EPHA3: variants seen among roughly 807,000 people sequenced by gnomAD.
The protein encoded by EPHA3 is ephrin type-A receptor 3.
Under a neutral mutation model 107.1 loss-of-function variants are expected in EPHA3, and 42 were observed. The observed-to-expected ratio is 0.39, with a 90% CI of 0.31 to 0.51. The LOEUF is 0.51. Ranked by LOEUF, EPHA3 falls within the 20% of genes least tolerant of loss-of-function variation. EPHA3 has a pLI of 0.78. For missense variants in EPHA3, 1,183 were observed against 1,211.2 expected (o/e 0.98, Z 0.35); for synonymous variants, 461 against 424.8 (o/e 1.09, Z -1.05).
chr3:89,355,931 C>T (rs1707939264), intron 5 of EPHA3, among the ~76,000 whole-genome samples: 1 of 149,160 alleles, frequency 6.7e-6, no homozygotes, highest in Non-Finnish European at 1.5e-5. Context: ...GTGCTGCACC[C>T]ATTAACTCTT....
In EPHA3 at chr3:89,431,188, G is replaced by A. The variant is rs2107536784; in HGVS notation, c.2175G>A (p.Gly725=). The change falls in exon 13 of 17, where the codon GGG becomes GGA. Residue 725 remains glycine, a synonymous_variant. Transcript: ENST00000336596. ...AGTTTACTGTCATTCAGCTAGTGGG[G>A]ATGCTTCGAGGGATAGCATCTGGCA... ...DAQFTVIQLV[G]MLRGIASGMK... is the part of the protein sequence containing the mutation. The A allele has an allele frequency of 1.2e-6, 2 of 1,613,776 alleles. No individual in the cohort carries two copies. The highest frequency in any genetic ancestry group is 1.7e-6 in the Non-Finnish European group (2 of 1,179,880).
chr3:89,391,188 A>G (rs1395130615), intron 5 of EPHA3, among the ~76,000 whole-genome samples: 1 of 152,096 alleles, frequency 6.6e-6, no homozygotes, highest in Non-Finnish European at 1.5e-5. Context: ...AACATTTGAA[A>G]GAAGAATAGA....
At chr3:89,107,907 G>C in intron 1 of EPHA3, 71 bp downstream of exon 1, 1 of 1,477,552 alleles carries the variant, frequency 6.8e-7, no homozygotes, top group East Asian at 2.3e-5. Flanking sequence ...CGTTCTCACC[G>C]AAGCCTTGCA....
At chr3:89,360,871 T>C (rs979192761) in intron 5 of EPHA3, among the ~76,000 whole-genome samples, 4 of 151,186 alleles carry the variant, frequency 2.6e-5, no homozygotes, top group African/African-American at 9.7e-5. Flanking sequence ...TTCTCATGTA[T>C]TATTTCCAAG....
In EPHA3 at chr3:89,342,000, A is replaced by G. The variant is rs1707536911; in HGVS notation, c.1216A>G (p.Thr406Ala). 1 of 1,612,784 alleles carries G rather than the reference A, an allele frequency of 6.2e-7. No individual in the cohort carries two copies. Among genetic ancestry groups the G allele is most frequent in the East Asian group, 2.2e-5 (1 of 44,838 alleles). Residue 406 changes from threonine (T) to alanine (A), a missense_variant, in exon 5 of 17, where the codon ACC becomes GCC. By Grantham distance (58) the Thr-to-Ala change is moderately conservative (BLOSUM62 0). Coordinates refer to ENST00000336596, the MANE Select transcript of EPHA3 (RefSeq NM_005233.6). ...VTDLLAHTNYTFEIDAVNGVS... is the reference protein window; with the variant it reads ...VTDLLAHTNYAFEIDAVNGVS... Reference sequence around the variant, plus strand: ...AGACCTTCTGGCACATACTAACTACACCTTTGAGATTGATGCCGTTAATGG... The same window carrying G: ...AGACCTTCTGGCACATACTAACTACGCCTTTGAGATTGATGCCGTTAATGG...
chr3:89,450,350 C>A lies in EPHA3; in HGVS notation c.2670C>A (p.Ile890=). ...KLIRNPGSLK[I]ITSAAARPSN... ...TCCGGAATCCCGGCAGCCTGAAGATCATCACCAGTGCAGCCGCAAGGTGAC... is the reference window on the plus strand; with the variant it reads ...TCCGGAATCCCGGCAGCCTGAAGATAATCACCAGTGCAGCCGCAAGGTGAC... The change falls in exon 15 of 17, where the codon ATC becomes ATA. Residue 890 remains isoleucine (I), a synonymous_variant. Coordinates refer to ENST00000336596, the MANE Select transcript of EPHA3 (RefSeq NM_005233.6). 1 of 1,613,470 alleles carries A rather than the reference C, an allele frequency of 6.2e-7. No homozygotes were observed. The highest frequency in any genetic ancestry group is 8.5e-7 in the Non-Finnish European group (1 of 1,179,696).
chr3:89,188,593 G>A (rs990898455), intron 2 of EPHA3, among the ~76,000 whole-genome samples: 11 of 151,956 alleles, frequency 7.2e-5, no homozygotes, highest in Admixed American at 3.9e-4. Flanking sequence ...CATATTGACC[G>A]TCCTTATATT....
At chr3:89,445,019 A>C (rs565214971) in intron 13 of EPHA3, among the ~76,000 whole-genome samples, 1 of 152,312 alleles carries the variant, frequency 6.6e-6, no homozygotes, top group Admixed American at 6.5e-5. Flanking sequence ...TAACACCAGC[A>C]CTTTGGTAGG....
intron 3 of EPHA3, among the ~76,000 whole-genome samples, chr3:89,218,622 C>T (rs144630733): frequency 1.3e-5 from 2 of 152,164 alleles, no homozygotes; most frequent in African/African-American, 4.8e-5. Flanking sequence ...TTTATAGCAG[C>T]ATGATTTATA....
At chr3:89,384,791 T>A (rs929582960) in intron 5 of EPHA3, among the ~76,000 whole-genome samples, 9 of 152,192 alleles carry the variant, frequency 5.9e-5, no homozygotes, top group African/African-American at 2.2e-4. Context: ...AAGATGCACA[T>A]AAATACACAC....
intron 3 of EPHA3, among the ~76,000 whole-genome samples, chr3:89,319,624 A>G (rs915458656): frequency 1.6e-4 from 25 of 151,922 alleles, no homozygotes; most frequent in Admixed American, 1.5e-3. Context: ...ATACCCATCA[A>G]AACCCTATCT....
intron 3 of EPHA3, among the ~76,000 whole-genome samples, chr3:89,226,964 A>G (rs1027914939): frequency 4.6e-5 from 7 of 152,032 alleles, no homozygotes; most frequent in Non-Finnish European, 7.4e-5. Context: ...GTGTCTATGA[A>G]TAGGTAGGAA....
At chr3:89,222,326 CATATATATATAT>C (rs34438291) in intron 3 of EPHA3, among the ~76,000 whole-genome samples, 15 of 138,530 alleles carry the variant, frequency 1.1e-4, no homozygotes, top group African/African-American at 1.3e-4. Context: ...AATACATATA[CATATATATATAT>C]ATATATATAT....
intron 6 of EPHA3, among the ~76,000 whole-genome samples, chr3:89,398,324 A>G (rs114006365): frequency 0.011 from 1,722 of 152,268 alleles, 37 homozygotes; most frequent in African/African-American, 0.039. Context: ...GAGAGAAAAA[A>G]CGTAATTCTT....
At chr3:89,140,235 A>G (rs1704403470) in intron 2 of EPHA3, among the ~76,000 whole-genome samples, 1 of 151,892 alleles carries the variant, frequency 6.6e-6, no homozygotes, top group South Asian at 2.1e-4. Context: ...AAATGTTGCT[A>G]TGTAACTAAA....
At chr3:89,409,104 A>G (rs899759870) in intron 9 of EPHA3, among the ~76,000 whole-genome samples, 2 of 152,102 alleles carry the variant, frequency 1.3e-5, no homozygotes, top group African/African-American at 2.4e-5. Flanking sequence ...ATAAATTGAT[A>G]TGAGAAGAAA....
chr3:89,212,071 A>G (rs566443371), intron 3 of EPHA3, among the ~76,000 whole-genome samples: 4 of 152,054 alleles, frequency 2.6e-5, no homozygotes, highest in South Asian at 2.1e-4. Flanking sequence ...AAAAATAACT[A>G]TGCAAGCTTA....
At chr3:89,479,014 T>A (rs1341717639) in intron 16 of EPHA3, among the ~76,000 whole-genome samples, 1 of 152,164 alleles carries the variant, frequency 6.6e-6, no homozygotes, top group Admixed American at 6.5e-5. Context: ...TCTGACTCCA[T>A]TTGTACATCG....
At chr3:89,362,148 A>G (rs1025785031) in intron 5 of EPHA3, among the ~76,000 whole-genome samples, 2 of 151,208 alleles carry the variant, frequency 1.3e-5, no homozygotes. Flanking sequence ...GTGATGGTCC[A>G]TCTCATCTTC....
Sources: allele counts gnomAD v4.1 joint callset (sites outside exome capture counted in the v4.1 genomes callset), GRCh38; gene constraint gnomAD v4.1.1; transcripts MANE v1.5; gene names NCBI Gene and HGNC (gene_info 2026-07-23, HGNC 2026-07-21).